Variants in COQ8B observed in about 807,000 individuals in gnomAD.
The protein encoded by COQ8B is coenzyme Q8B.
A neutral mutation model predicts 62.0 loss-of-function variants in COQ8B; 44 were observed. The observed-to-expected ratio is 0.71, with a 90% CI of 0.56 to 0.91. The LOEUF is 0.91. Ranked by LOEUF, COQ8B falls within the 40% of genes least tolerant of loss-of-function variation. COQ8B has a pLI of 0.00. For missense variants in COQ8B, 649 were observed against 731.6 expected (o/e 0.89, Z 1.30); for synonymous variants, 252 against 289.9 (o/e 0.87, Z 1.33).
In COQ8B at chr19:40,692,387, T is replaced by TG. The variant is rs752953417; in HGVS notation, c.1297-15dup. On this transcript the variant is annotated splice_polypyrimidine_tract_variant and intron_variant, in intron 14 of 14. Coordinates refer to ENST00000324464, the MANE Select transcript of COQ8B (RefSeq NM_024876.4). ...GTCGGAGAATGCCTGGGAGTGGGGG[T>TG]GGGGGGAGAGCAAAGGCAGCCAGTG... 2 of 1,609,404 alleles carry TG rather than the reference T, an allele frequency of 1.2e-6. No individual in the cohort carries two copies. Among genetic ancestry groups the TG allele is most frequent in the Non-Finnish European group, 1.7e-6 (2 of 1,178,712 alleles).
intron 14 of COQ8B, among the ~76,000 whole-genome samples, chr19:40,692,711 C>A: frequency 6.6e-6 from 1 of 151,968 alleles, no homozygotes; most frequent in East Asian, 1.9e-4. Context: ...CAGCCACCTC[C>A]CCCCACTCCT....
At chr19:40,709,896 T>C (rs1183790319) in intron 5 of COQ8B, among the ~76,000 whole-genome samples, 163 bp downstream of exon 5, 1 of 151,954 alleles carries the variant, frequency 6.6e-6, no homozygotes, top group Admixed American at 6.6e-5. Context: ...CTGATAGTGG[T>C]TTAGGCCTGT....
chr19:40,697,164 T>C (rs1599623574), intron 12 of COQ8B, among the ~76,000 whole-genome samples: 1 of 151,444 alleles, frequency 6.6e-6, no homozygotes, highest in African/African-American at 2.4e-5. Context: ...CAGGCTGGAG[T>C]GCAGTGGCAC....
chr19:40,698,824 T>G (rs574031169), intron 12 of COQ8B, among the ~76,000 whole-genome samples: 2 of 152,238 alleles, frequency 1.3e-5, no homozygotes, highest in South Asian at 2.1e-4. Flanking sequence ...AAAATGGGGA[T>G]AGACCACTTT....
At chr19:40,695,737 TGGCCTAAAACG>T (rs1389053412) in intron 13 of COQ8B, among the ~76,000 whole-genome samples, 2 of 152,230 alleles carry the variant, frequency 1.3e-5, no homozygotes. Context: ...TTACTTCATC[TGGCCTAAAACG>T]GGCCTAAAAA....
rs1209804572 is a variant in COQ8B, at chr19:40,692,976, T to G, written c.1271A>C (p.Lys424Thr). 6.2e-7 allele frequency: 1 copy of G among 1,613,700 alleles called. No homozygotes were observed. Among genetic ancestry groups the G allele is most frequent in the Non-Finnish European group, 8.5e-7 (1 of 1,179,846 alleles). The stretch of plus-strand genomic sequence containing the variant: ...CTTGGTTTCAAAGCCTGTGAGGAAT[T>G]TGAGGTCCCTGGACTTCTGCAGGAC... ...DCVLQKSRDL[K>T]FLTGFETKAF... Residue 424 changes from lysine (K) to threonine (T), a missense_variant, in exon 14 of 15, where the codon AAA (lysine) becomes ACA (threonine). Lys to Thr is a moderately conservative substitution (Grantham distance 78). Transcript: ENST00000324464.
At chr19:40,692,881 G>A in intron 14 of COQ8B, 70 bp downstream of exon 14, 1 of 1,400,830 alleles carries the variant, frequency 7.1e-7, no homozygotes, top group Non-Finnish European at 1.0e-6. Flanking sequence ...GTTCCTCAGT[G>A]GAGATAAGCA....
intron 13 of COQ8B, among the ~76,000 whole-genome samples, chr19:40,693,854 C>A (rs1038916010): frequency 6.7e-6 from 1 of 149,088 alleles, no homozygotes; most frequent in Non-Finnish European, 1.5e-5. Context: ...GAAGCAGACC[C>A]GGAGTAGGGA....
chr19:40,692,496 TCCC>T (rs2081980990), intron 14 of COQ8B, 123 bp from the exon 15 acceptor site: 1 of 848,482 alleles, frequency 1.2e-6, no homozygotes, highest in South Asian at 1.7e-5. Context: ...AAGCCCCGAC[TCCC>T]CCAAGAGTGA....
intron 14 of COQ8B, 121 bp downstream of exon 14, chr19:40,692,830 C>T: frequency 2.5e-6 from 2 of 803,438 alleles, no homozygotes; most frequent in Non-Finnish European, 4.0e-6. Flanking sequence ...TCCTAGAGTC[C>T]CCCAGTCCCC....
rs76120520 is a variant in COQ8B at position 40,692,612 on chromosome 19, C to G, written c.1297-239G>C. 4.2e-3 allele frequency among the ~76,000 whole-genome samples: 637 copies of G among 152,180 alleles called. 4 individuals carry two copies. The highest frequency in any genetic ancestry group is 0.014 in the African/African-American group (597 of 41,498). ...CAGAGCCTCCAACAGACAAGTAGCC[C>G]TCTACTCTCTCTACAACAGAGAAGC... On this transcript the variant is annotated intron_variant, in intron 14 of 14. Coordinates refer to ENST00000324464, the MANE Select transcript of COQ8B (RefSeq NM_024876.4).
intron 13 of COQ8B, 96 bp from the exon 14 acceptor site, chr19:40,693,133 C>T: frequency 9.6e-7 from 1 of 1,038,694 alleles, no homozygotes; most frequent in Non-Finnish European, 1.4e-6. Flanking sequence ...ATGTACCCAC[C>T]TCCATTCTCA....
Position 40,691,982 on chromosome 19 carries a change from G to A in COQ8B, c.*53C>T. ...AGGGCAGACGGGGAAGGGATAAGAGGCACTACAGCAGGGTACGGCCTGCTC... is the reference window on the plus strand; with the variant it reads ...AGGGCAGACGGGGAAGGGATAAGAGACACTACAGCAGGGTACGGCCTGCTC... On this transcript the variant is annotated 3_prime_UTR_variant, in exon 15 of 15. Transcript: ENST00000324464. 2 of 1,478,150 alleles carry A rather than the reference G, an allele frequency of 1.4e-6. No homozygotes were observed. Among genetic ancestry groups the A allele is most frequent in the Non-Finnish European group, 1.8e-6 (2 of 1,103,176 alleles). 91.6% of individuals were successfully genotyped at this position (1,478,150 alleles called of 1,614,324 possible).
intron 14 of COQ8B, 103 bp downstream of exon 14, chr19:40,692,848 G>T: frequency 1.0e-6 from 1 of 978,416 alleles, no homozygotes; most frequent in Non-Finnish European, 1.6e-6. Context: ...CCCGGGTATC[G>T]ACATGCCCCA....
Position 40,705,186 on chromosome 19 carries a change from G to A in COQ8B, c.491-5C>T, listed in dbSNP as rs762936896. 163 of 1,612,888 alleles carry A rather than the reference G, an allele frequency of 1.0e-4. No individual in the cohort carries two copies. Among genetic ancestry groups the A allele is most frequent in the Non-Finnish European group, 1.3e-4 (152 of 1,179,454 alleles). On this transcript the variant is annotated splice_region_variant and splice_polypyrimidine_tract_variant and intron_variant, in intron 6 of 14. Transcript: ENST00000324464. ...GAGGGCTGATGAAGCTGTTGTCTTG[G>A]GAGACAGTGGAACCAGGGGGGAAGT...
In COQ8B at chr19:40,716,586, C is replaced by G. The variant is rs2082186561; in HGVS notation, c.-4+1G>C. ...CTCTATACATGACAGAGATTTCTTACGGAAAATCCAATGGAGCGTAAGTCA... is the reference window on the plus strand; with the variant it reads ...CTCTATACATGACAGAGATTTCTTAGGGAAAATCCAATGGAGCGTAAGTCA... On this transcript the variant is annotated splice_donor_variant, in intron 1 of 14. Coordinates refer to ENST00000324464, the MANE Select transcript of COQ8B (RefSeq NM_024876.4). LOFTEE classifies it low-confidence loss of function (5UTR_SPLICE). 6.6e-6 allele frequency: 1 copy of G among 152,198 alleles called. No individual in the cohort carries two copies. The highest frequency in any genetic ancestry group is 1.5e-5 in the Non-Finnish European group (1 of 68,044). 9.4% of individuals were successfully genotyped at this position (152,198 alleles called of 1,614,324 possible).
intron 14 of COQ8B, among the ~76,000 whole-genome samples, 176 bp from the exon 15 acceptor site, chr19:40,692,549 G>A (rs960440259): frequency 6.6e-6 from 1 of 151,894 alleles, no homozygotes; most frequent in Non-Finnish European, 1.5e-5. Flanking sequence ...TAGACAAGCA[G>A]CTGCCTATTC....
chr19:40,701,622 G>A (rs780856190), intron 10 of COQ8B, among the ~76,000 whole-genome samples: 3 of 152,148 alleles, frequency 2.0e-5, no homozygotes, highest in Non-Finnish European at 2.9e-5. Context: ...GCCATGTGGG[G>A]CATTTAATCG....
chr19:40,712,080 T>C (rs1024825231), intron 4 of COQ8B, among the ~76,000 whole-genome samples: 1 of 151,812 alleles, frequency 6.6e-6, no homozygotes, highest in African/African-American at 2.4e-5. Flanking sequence ...TGGAGTGCAA[T>C]GGTGCGATCT....
Sources: allele counts gnomAD v4.1 joint callset (sites outside exome capture counted in the v4.1 genomes callset), GRCh38; gene constraint gnomAD v4.1.1; transcripts MANE v1.5; gene names NCBI Gene and HGNC (gene_info 2026-07-23, HGNC 2026-07-21).